The following PAPPA2 variants were observed in gnomAD, a reference collection of about 807,000 sequenced individuals.
PAPPA2 encodes the protein pappalysin-2.
In PAPPA2, 86 loss-of-function variants were observed where a neutral mutation model predicts 176.4. That is an observed-to-expected ratio of 0.49 (90% CI 0.41 to 0.58). The LOEUF is 0.58. Ranked by LOEUF, PAPPA2 falls within the 20% of genes least tolerant of loss-of-function variation. The pLI is 0.00. For synonymous variants in PAPPA2, 809 were observed against 852.2 expected (o/e 0.95, Z 0.88); for missense variants, 2,073 against 2,256.9 (o/e 0.92, Z 1.65).
chr1:176,627,097 A>C (rs554923559), intron 3 of PAPPA2, among the ~76,000 whole-genome samples: 10 of 151,920 alleles, frequency 6.6e-5, no homozygotes, highest in African/African-American at 2.4e-4. Flanking sequence ...GTACATCCAG[A>C]CCTATGCTAC....
At chr1:176,758,513 C>T (rs184840969) in intron 14 of PAPPA2, among the ~76,000 whole-genome samples, 16 of 152,300 alleles carry the variant, frequency 1.1e-4, no homozygotes, top group African/African-American at 2.2e-4. Context: ...ACATCCTACT[C>T]CTATCTGCTG....
At chr1:176,545,885 C>G (rs544591488) in intron 1 of PAPPA2, among the ~76,000 whole-genome samples, 1 of 152,206 alleles carries the variant, frequency 6.6e-6, no homozygotes, top group Admixed American at 6.5e-5. Flanking sequence ...GTGCTCAGCC[C>G]AATGCCCAGT....
At chr1:176,465,944 C>A (rs1313918158) in intron 1 of PAPPA2, among the ~76,000 whole-genome samples, 2 of 151,992 alleles carry the variant, frequency 1.3e-5, no homozygotes, top group African/African-American at 2.4e-5. Flanking sequence ...TCTTATCAGA[C>A]TTTTTGTTCA....
intron 20 of PAPPA2, among the ~76,000 whole-genome samples, chr1:176,797,769 C>T (rs949737751): frequency 3.3e-5 from 5 of 152,158 alleles, no homozygotes; most frequent in African/African-American, 1.2e-4. Context: ...CCTCTTGCTC[C>T]TCAAATGCTC....
At chr1:176,505,540 T>C (rs1648209111) in intron 1 of PAPPA2, among the ~76,000 whole-genome samples, 1 of 152,072 alleles carries the variant, frequency 6.6e-6, no homozygotes, top group Non-Finnish European at 1.5e-5. Context: ...AGAAGGATTC[T>C]CAAGCCAAGT....
At chr1:176,640,278 G>T (rs773033952) in intron 3 of PAPPA2, among the ~76,000 whole-genome samples, 1 of 150,830 alleles carries the variant, frequency 6.6e-6, no homozygotes, top group Non-Finnish European at 1.5e-5. Flanking sequence ...TGCCATGCTG[G>T]TGCGCTGCAC....
chr1:176,477,973 G>A (rs1652218282), intron 1 of PAPPA2, among the ~76,000 whole-genome samples: 1 of 152,126 alleles, frequency 6.6e-6, no homozygotes, highest in African/African-American at 2.4e-5. Flanking sequence ...TGGGTTATCT[G>A]TTCTTAAAGC....
intron 2 of PAPPA2, among the ~76,000 whole-genome samples, chr1:176,593,385 A>G (rs1009175258): frequency 3.3e-5 from 5 of 152,216 alleles, no homozygotes; most frequent in African/African-American, 1.2e-4. Flanking sequence ...ATCTGATCCA[A>G]AGACTAGTAT....
chr1:176,719,179 AAAATT>A (rs2102846737), intron 12 of PAPPA2, among the ~76,000 whole-genome samples: 1 of 152,224 alleles, frequency 6.6e-6, no homozygotes, highest in South Asian at 2.1e-4. Context: ...ATCAATGGGA[AAAATT>A]ACAATTGCTT....
chr1:176,794,939 C>G (rs1665359685), intron 20 of PAPPA2, among the ~76,000 whole-genome samples: 1 of 152,172 alleles, frequency 6.6e-6, no homozygotes, highest in Admixed American at 6.5e-5. Context: ...GATGCCAGAC[C>G]AATCTATGTC....
chr1:176,616,926 G>A, intron 3 of PAPPA2: 1 of 404,918 alleles, frequency 2.5e-6, no homozygotes, highest in Admixed American at 3.8e-5. Flanking sequence ...GAAGTTGTAA[G>A]TAATGATAAA....
intron 2 of PAPPA2, among the ~76,000 whole-genome samples, chr1:176,562,448 T>C (rs1651731504): frequency 6.6e-6 from 1 of 152,230 alleles, no homozygotes; most frequent in South Asian, 2.1e-4. Flanking sequence ...GAGACAAATC[T>C]ATACTTTTCC....
At chr1:176,627,062 C>G (rs1355822269) in intron 3 of PAPPA2, among the ~76,000 whole-genome samples, 1 of 151,776 alleles carries the variant, frequency 6.6e-6, no homozygotes, top group Non-Finnish European at 1.5e-5. Flanking sequence ...TTTATTTCTT[C>G]CTATTTTCTT....
At chr1:176,489,284 A>G (rs757514189) in intron 1 of PAPPA2, among the ~76,000 whole-genome samples, 4 of 152,204 alleles carry the variant, frequency 2.6e-5, no homozygotes, top group Admixed American at 6.5e-5. Flanking sequence ...ACCAGCCATG[A>G]GTTGGAATTG....
chr1:176,829,688 C>T (rs1667011743), intron 21 of PAPPA2, among the ~76,000 whole-genome samples: 1 of 152,252 alleles, frequency 6.6e-6, no homozygotes. Flanking sequence ...CTGTCTCTGA[C>T]TTGTACCTGT....
intron 1 of PAPPA2, among the ~76,000 whole-genome samples, chr1:176,525,788 T>C (rs1354402570): frequency 6.6e-6 from 1 of 152,218 alleles, no homozygotes; most frequent in Non-Finnish European, 1.5e-5. Context: ...CCTCTGAAAG[T>C]TACACTTCTT....
intron 21 of PAPPA2, among the ~76,000 whole-genome samples, chr1:176,833,717 G>GT (rs1322374294): frequency 1.2e-4 from 18 of 152,076 alleles, no homozygotes; most frequent in Non-Finnish European, 2.5e-4. Flanking sequence ...TGGCTGAAAC[G>GT]TAAGTATGAT....
intron 19 of PAPPA2, among the ~76,000 whole-genome samples, chr1:176,793,283 T>G (rs1665265068): frequency 6.6e-6 from 1 of 152,122 alleles, no homozygotes; most frequent in South Asian, 2.1e-4. Flanking sequence ...ATGTAGAAAT[T>G]CAGGCATTCC....
At chr1:176,617,464 C>A (rs556555649) in intron 3 of PAPPA2, among the ~76,000 whole-genome samples, 1 of 152,188 alleles carries the variant, frequency 6.6e-6, no homozygotes, top group Non-Finnish European at 1.5e-5. Flanking sequence ...TTATTTCTCA[C>A]CCCCTGAGTC....
Sources: allele counts gnomAD v4.1 joint callset (sites outside exome capture counted in the v4.1 genomes callset), GRCh38; gene constraint gnomAD v4.1.1; transcripts MANE v1.5; gene names NCBI Gene and HGNC (gene_info 2026-07-23, HGNC 2026-07-21).